Variants in KLRG1 observed in about 807,000 individuals in gnomAD.
KLRG1 encodes the protein killer cell lectin like receptor G1, also known as killer cell lectin-like receptor subfamily G member 1.
Under a neutral mutation model 21.8 loss-of-function variants are expected in KLRG1, and 16 were observed. The observed-to-expected ratio is 0.73, with a 90% CI of 0.50 to 1.11. The LOEUF (loss-of-function observed/expected upper bound fraction) is 1.11. Among genes scored for constraint, KLRG1 ranks in the 50% most tolerant of loss-of-function variants. KLRG1 has a pLI of 0.00. For missense variants in KLRG1, 173 were observed against 218.3 expected, an observed-to-expected ratio of 0.79 and a Z score of 1.31; for synonymous variants, 69 against 75.9, an observed-to-expected ratio of 0.91 and a Z score of 0.47.
At chr12:9,140,330 T>A in the KLRG1 span, among the ~76,000 whole-genome samples, 2 of 152,132 alleles carry the variant, frequency 1.3e-5, no homozygotes, top group African/African-American at 4.8e-5. Flanking sequence ...ATCCATTTGG[T>A]TGTTTTGGAA....
chr12:9,052,900 T>C, the KLRG1 span: 1 of 430,650 alleles, frequency 2.3e-6, no homozygotes, highest in Non-Finnish European at 4.5e-6. Context: ...TATTGCCTTT[T>C]AAAAAATTAA....
chr12:8,994,996 C>A, intron 2 of KLRG1, 123 bp from the exon 3 acceptor site: 3 of 782,802 alleles, frequency 3.8e-6, no homozygotes, highest in Non-Finnish European at 6.0e-6. Context: ...TTTCTCTAAC[C>A]CTTAATCTGA....
chr12:8,973,481 G>A (rs958967641), intron 1 of KLRG1, among the ~76,000 whole-genome samples: 4 of 152,142 alleles, frequency 2.6e-5, no homozygotes, highest in African/African-American at 7.2e-5. Flanking sequence ...GTGTTCATTC[G>A]CTCTGGTGGG....
At chr12:9,046,640 G>A in the KLRG1 span, among the ~76,000 whole-genome samples, 2 of 152,134 alleles carry the variant, frequency 1.3e-5, no homozygotes, top group African/African-American at 2.4e-5. Context: ...CACCAACCTA[G>A]AATTGTATAT....
the KLRG1 span, among the ~76,000 whole-genome samples, chr12:9,121,540 G>A: frequency 2.6e-5 from 4 of 152,012 alleles, no homozygotes; most frequent in African/African-American, 7.2e-5. This position sits in a 1 kb window ranked among gnomAD's most constrained non-coding sequence, Gnocchi z 4.4. Context: ...CCTCTGTCTC[G>A]AAACAAACAA....
At chr12:9,164,293 T>A in the KLRG1 span, 3 of 1,606,468 alleles carry the variant, frequency 1.9e-6, no homozygotes, top group Non-Finnish European at 1.7e-6. Flanking sequence ...ACAGAAATGA[T>A]CAGAATATGG....
the KLRG1 span, among the ~76,000 whole-genome samples, chr12:9,197,700 ATATATTATACAATACATAATATATATAAT>A: frequency 1.1e-5 from 1 of 90,968 alleles, no homozygotes; most frequent in Non-Finnish European, 1.9e-5. Flanking sequence ...ATATATAATT[ATATATTATACAATACATAATATATATAAT>A]TATATATTAT....
chr12:9,156,416 G>A, the KLRG1 span: 1 of 157,756 alleles, frequency 6.3e-6, no homozygotes, highest in Non-Finnish European at 1.4e-5. Flanking sequence ...TGGCTGATGA[G>A]ATCCTGGTAG....
At chr12:8,967,097 A>T (rs1946486253) in intron 1 of KLRG1, among the ~76,000 whole-genome samples, 1 of 148,236 alleles carries the variant, frequency 6.7e-6, no homozygotes, top group South Asian at 2.2e-4. Context: ...AAAAAACCAA[A>T]CACCGCATGT....
the KLRG1 span, among the ~76,000 whole-genome samples, chr12:9,071,194 T>G: frequency 6.6e-6 from 1 of 152,122 alleles, no homozygotes; most frequent in South Asian, 2.1e-4. Flanking sequence ...GCCAGTTATT[T>G]TATTTATTTG....
chr12:9,010,075 A>G lies in KLRG1; in HGVS notation c.*538A>G. On this transcript the variant is annotated 3_prime_UTR_variant, in exon 5 of 5. Coordinates refer to ENST00000356986, the MANE Select transcript of KLRG1 (RefSeq NM_005810.4). ...CTGGTGTGTACCTGTAGTCCTAGCTATTTGGGAAGCTGAGGTGGGAGGGTC... is the reference window on the plus strand; with the variant it reads ...CTGGTGTGTACCTGTAGTCCTAGCTGTTTGGGAAGCTGAGGTGGGAGGGTC... The G allele has an allele frequency of 6.8e-7, 1 of 1,478,714 alleles. No individual in the cohort carries two copies. Among genetic ancestry groups the G allele is most frequent in the Non-Finnish European group, 9.1e-7 (1 of 1,097,380 alleles). 91.6% of individuals were successfully genotyped at this position (1,478,714 alleles called of 1,614,324 possible).
chr12:9,069,516 A>C, the KLRG1 span, among the ~76,000 whole-genome samples: 1 of 152,158 alleles, frequency 6.6e-6, no homozygotes, highest in African/African-American at 2.4e-5. Flanking sequence ...TTTCTTGCTT[A>C]TGGGATTTTA....
the KLRG1 span, chr12:9,202,710 C>T: frequency 1.2e-6 from 2 of 1,605,228 alleles, no homozygotes; most frequent in Non-Finnish European, 1.7e-6. Context: ...TTTTTTACTA[C>T]TGAGGAACTG....
At chr12:9,197,412 TTTAA>T in the KLRG1 span, among the ~76,000 whole-genome samples, 1 of 141,382 alleles carries the variant, frequency 7.1e-6, no homozygotes, top group Non-Finnish European at 1.5e-5. Context: ...TATTTTAATG[TTTAA>T]TTAAAATAAT....
chr12:9,070,384 A>T, the KLRG1 span: 1 of 787,392 alleles, frequency 1.3e-6, no homozygotes, highest in Non-Finnish European at 2.1e-6. Context: ...TAAGGCTTTG[A>T]TAGAGATTGA....
the KLRG1 span, among the ~76,000 whole-genome samples, chr12:9,051,274 A>G: frequency 3.3e-5 from 5 of 152,132 alleles, no homozygotes; most frequent in East Asian, 7.7e-4. Context: ...CGGGATTACC[A>G]GCTGCAGAGA....
At chr12:9,051,410 G>A in the KLRG1 span, among the ~76,000 whole-genome samples, 1 of 152,128 alleles carries the variant, frequency 6.6e-6, no homozygotes, top group Non-Finnish European at 1.5e-5. Context: ...ACCAGCTGCA[G>A]AGAGGAACTA....
At chr12:9,158,530 T>C in the KLRG1 span, 10 of 1,614,136 alleles carry the variant, frequency 6.2e-6, no homozygotes, top group Non-Finnish European at 7.6e-6. Context: ...TCAATGAAGA[T>C]GTAGGATCGA....
chr12:9,083,101 G>A, the KLRG1 span, among the ~76,000 whole-genome samples: 1 of 152,176 alleles, frequency 6.6e-6, no homozygotes, highest in Non-Finnish European at 1.5e-5. Flanking sequence ...GGACATGGAT[G>A]AAGCTGGAAA....
Sources: allele counts gnomAD v4.1 joint callset (sites outside exome capture counted in the v4.1 genomes callset), GRCh38; gene constraint gnomAD v4.1.1; non-coding constraint Gnocchi (gnomAD v3.1); transcripts MANE v1.5; gene names NCBI Gene and HGNC (gene_info 2026-07-23, HGNC 2026-07-21).